The following CMYA5 variants were observed in gnomAD, a reference collection of about 807,000 sequenced individuals.
CMYA5 encodes the protein cardiomyopathy-associated protein 5.
CMYA5 carries 246 observed loss-of-function variants against 318.9 expected under a neutral mutation model. That is an observed-to-expected ratio of 0.77 (90% CI 0.70 to 0.86). The LOEUF is 0.86. CMYA5 is among the 40% of genes least tolerant of loss of function. CMYA5 has a pLI of 0.00. For missense variants in CMYA5, 4,589 were observed against 4,678.2 expected (o/e 0.98, Z 0.56); for synonymous variants, 1,641 against 1,729.5 (o/e 0.95, Z 1.27).
chr5:79,710,089 C>T (rs935014996), intron 1 of CMYA5, among the ~76,000 whole-genome samples: 2 of 150,060 alleles, frequency 1.3e-5, no homozygotes, highest in African/African-American at 2.4e-5. Flanking sequence ...TATATTCCTA[C>T]TAACAGTACA....
chr5:79,698,666 A>G (rs552863696), intron 1 of CMYA5, among the ~76,000 whole-genome samples: 1 of 152,360 alleles, frequency 6.6e-6, no homozygotes, highest in South Asian at 2.1e-4. Context: ...ACATGGGCTT[A>G]GTTCACTCCC....
intron 1 of CMYA5, among the ~76,000 whole-genome samples, chr5:79,714,051 T>C (rs938018026): frequency 2.0e-5 from 3 of 152,180 alleles, no homozygotes; most frequent in Non-Finnish European, 4.4e-5. Flanking sequence ...GATGGTGGTT[T>C]TCCAGTCTGC....
chr5:79,743,970 C>G (rs779611997), intron 3 of CMYA5, 48 bp downstream of exon 3: 4 of 942,250 alleles, frequency 4.2e-6, no homozygotes, highest in South Asian at 3.4e-5. Context: ...TTCACAGTAT[C>G]AGAAGTAAAT....
chr5:79,744,446 G>A (rs1408591256), intron 3 of CMYA5, among the ~76,000 whole-genome samples: 1 of 152,110 alleles, frequency 6.6e-6, no homozygotes, highest in East Asian at 1.9e-4. Context: ...GGGAAGAGAG[G>A]GACTAGCAAT....
intron 9 of CMYA5, among the ~76,000 whole-genome samples, chr5:79,763,881 T>C (rs909519593): frequency 3.3e-5 from 5 of 152,230 alleles, no homozygotes; most frequent in African/African-American, 1.2e-4. Context: ...CATATTCAGA[T>C]CATTCTTAAT....
chr5:79,721,450 A>G (rs561849684), intron 1 of CMYA5, among the ~76,000 whole-genome samples: 1 of 152,350 alleles, frequency 6.6e-6, no homozygotes, highest in Middle Eastern at 3.4e-3. Context: ...ATTATATTAC[A>G]TTTAAATGAA....
At chr5:79,713,369 T>C (rs1827441890) in intron 1 of CMYA5, among the ~76,000 whole-genome samples, 1 of 141,956 alleles carries the variant, frequency 7.0e-6, no homozygotes. Flanking sequence ...TGTGGAGGAA[T>C]GCCCACCTCC....
chr5:79,792,778 C>T (rs1041606635), intron 11 of CMYA5, among the ~76,000 whole-genome samples: 2 of 152,234 alleles, frequency 1.3e-5, no homozygotes, highest in Non-Finnish European at 2.9e-5. Flanking sequence ...GTTCATTTCA[C>T]TAAGGTGCTT....
intron 2 of CMYA5, among the ~76,000 whole-genome samples, chr5:79,742,487 A>C (rs1828237359): frequency 6.6e-6 from 1 of 152,164 alleles, no homozygotes; most frequent in South Asian, 2.1e-4. Flanking sequence ...GCAGCTGGCC[A>C]GTTGGCAACT....
intron 1 of CMYA5, among the ~76,000 whole-genome samples, chr5:79,696,473 GC>G (rs750455127): frequency 3.9e-5 from 6 of 152,164 alleles, no homozygotes. Flanking sequence ...AATACTCAGA[GC>G]CCTCTCAGGG....
At chr5:79,758,670 A>G in intron 6 of CMYA5, 83 bp from the exon 7 acceptor site, 1 of 1,175,946 alleles carries the variant, frequency 8.5e-7, no homozygotes, top group Non-Finnish European at 1.2e-6. Flanking sequence ...TTCTTTGAAT[A>G]TTTTTCAACA....
intron 5 of CMYA5, among the ~76,000 whole-genome samples, chr5:79,749,128 C>T (rs1828385763): frequency 6.6e-6 from 1 of 152,160 alleles, no homozygotes; most frequent in Non-Finnish European, 1.5e-5. Context: ...ATTTCTATTT[C>T]ATTGTCCAGT....
intron 1 of CMYA5, among the ~76,000 whole-genome samples, chr5:79,690,291 T>C (rs1826941737): frequency 6.6e-6 from 1 of 152,214 alleles, no homozygotes; most frequent in East Asian, 1.9e-4. Flanking sequence ...TGTGACTCGC[T>C]GCTCTTGTTT....
In CMYA5 at chr5:79,697,726, T is replaced by G. The variant is rs113899022; in HGVS notation, c.149+7670T>G. Among the ~76,000 whole-genome samples the G allele has an allele frequency of 9.1e-3, 1,391 of 152,338 alleles. 24 individuals carry two copies. The highest frequency in any genetic ancestry group is 0.032 in the African/African-American group (1,320 of 41,578). ...TTTCAGGGCTCACCTCAATATTATGTAATATATATATAATACACACCTGTT... is the reference window on the plus strand; with the variant it reads ...TTTCAGGGCTCACCTCAATATTATGGAATATATATATAATACACACCTGTT... On this transcript the variant is annotated intron_variant, in intron 1 of 12. Transcript: ENST00000446378.
chr5:79,737,474 T>C lies in CMYA5; in HGVS notation c.8709T>C (p.Asn2903=). 1 of 1,613,774 alleles carries C rather than the reference T, an allele frequency of 6.2e-7. No individual in the cohort carries two copies. Among genetic ancestry groups the C allele is most frequent in the Admixed American group, 1.7e-5 (1 of 59,952 alleles). Residue 2903 remains asparagine, a synonymous_variant, in exon 2 of 13, where the codon AAT becomes AAC. Coordinates refer to ENST00000446378, the MANE Select transcript of CMYA5 (RefSeq NM_153610.5). The stretch of plus-strand genomic sequence containing the variant: ...TTATATCTAATACATCAGCAAGCAA[T>C]GCTGATAAAATGGTTTCTAATAAAG... ...AQFISNTSAS[N]ADKMVSNKEM... is the part of the protein sequence containing the mutation.
In CMYA5 at chr5:79,738,857, T is replaced by G; in HGVS notation, c.10092T>G (p.Asn3364Lys). ...EAGSHGNEVG[N>K]ASPEVNLNVP... ...GCAGTCACGGTAATGAAGTCGGAAA[T>G]GCAAGTCCAGAGGTCAATCTGAATG... Residue 3364 changes from asparagine (N) to lysine (K), a missense_variant, in exon 2 of 13, where the codon AAT becomes AAG. Physicochemically the swap from Asn to Lys is moderately conservative, Grantham distance 94 (BLOSUM62 0). Around this residue, in one of 3 missense-constraint regions of CMYA5, gnomAD observed 2,431 missense variants for 2,495.1 expected, o/e 0.97. Coordinates refer to ENST00000446378, the MANE Select transcript of CMYA5 (RefSeq NM_153610.5). The G allele has an allele frequency of 6.2e-7, 1 of 1,613,854 alleles. No individual in the cohort carries two copies.
intron 12 of CMYA5, among the ~76,000 whole-genome samples, chr5:79,795,872 C>T (rs1365699404): frequency 6.6e-6 from 1 of 152,170 alleles, no homozygotes; most frequent in Non-Finnish European, 1.5e-5. Context: ...AGCCAGGCTT[C>T]TGGATGATTA....
rs759754791 is a variant in CMYA5, at chr5:79,738,489, A to C, written c.9724A>C (p.Ile3242Leu). 4 of 1,613,528 alleles carry C rather than the reference A, an allele frequency of 2.5e-6. No homozygotes were observed. Among genetic ancestry groups the C allele is most frequent in the Non-Finnish European group, 3.4e-6 (4 of 1,179,824 alleles). The change falls in exon 2 of 13, where the codon ATA becomes CTA. Residue 3242 changes from isoleucine (I) to leucine (L), a missense_variant. Physicochemically the swap from Ile to Leu is conservative, Grantham distance 5 (BLOSUM62 2). Transcript: ENST00000446378. Reference sequence around the variant, plus strand: ...AACAGGAATATATTTTGAGAAGTACATACTCAAAGATGACATTCTCCATGA... The same window carrying C: ...AACAGGAATATATTTTGAGAAGTACCTACTCAAAGATGACATTCTCCATGA... ...DGTGIYFEKY[I>L]LKDDILHDTS...
chr5:79,700,859 C>A (rs938217167), intron 1 of CMYA5, among the ~76,000 whole-genome samples: 2 of 151,982 alleles, frequency 1.3e-5, no homozygotes, highest in Admixed American at 1.3e-4. Flanking sequence ...GAAAGTAGAT[C>A]TCATGAAGAT....
Sources: allele counts gnomAD v4.1 joint callset (sites outside exome capture counted in the v4.1 genomes callset), GRCh38; gene constraint gnomAD v4.1.1; regional missense constraint gnomAD v4.1.1; transcripts MANE v1.5; gene names NCBI Gene and HGNC (gene_info 2026-07-23, HGNC 2026-07-21).